The following AGBL1 variants were observed in gnomAD, a reference collection of about 807,000 sequenced individuals.
AGBL1 encodes cytosolic carboxypeptidase 4.
Under a neutral mutation model 118.9 loss-of-function variants are expected in AGBL1, and 130 were observed. That is an observed-to-expected ratio of 1.09 (90% CI 0.95 to 1.26). AGBL1 has a LOEUF of 1.26. AGBL1 is among the 50% of genes most tolerant of loss of function. The pLI is 0.00. For synonymous variants in AGBL1, 555 were observed against 478.9 expected (o/e 1.16, Z -2.08); for missense variants, 1,584 against 1,298.1 (o/e 1.22, Z -3.38).
intron 23 of AGBL1, among the ~76,000 whole-genome samples, chr15:86,943,885 C>G (rs917510738): frequency 6.6e-6 from 1 of 152,170 alleles, no homozygotes; most frequent in Non-Finnish European, 1.5e-5. Context: ...TCCTGTATCA[C>G]CAGCCCATTG....
In AGBL1 at chr15:86,643,916, T is replaced by C. The variant is rs116614874; in HGVS notation, c.2995-30357T>C. On this transcript the variant is annotated intron_variant, in intron 21 of 22. Coordinates refer to ENST00000614907, the MANE Select transcript of AGBL1 (RefSeq NM_001386094.1). ...TTTCAACTTTTAGGACCTTGTAAAG[T>C]TGTTTTTCCTATTTTTACTCTTACT... Among the ~76,000 whole-genome samples, 972 of 152,302 alleles carry C rather than the reference T, an allele frequency of 6.4e-3. 8 individuals carry two copies. Among genetic ancestry groups the C allele is most frequent in the African/African-American group, 0.022 (914 of 41,568 alleles).
chr15:86,395,786 A>ATT (rs113321476), intron 17 of AGBL1, among the ~76,000 whole-genome samples: 14 of 148,620 alleles, frequency 9.4e-5, no homozygotes, highest in Admixed American at 2.0e-4. Flanking sequence ...TTTAGGTTTT[A>ATT]TTTTTTTTTT....
rs2084679040 is a variant in AGBL1 at position 86,613,076 on chromosome 15, C to T, written c.2994+58539C>T. Among the ~76,000 whole-genome samples the T allele has an allele frequency of 6.6e-6, 1 of 152,176 alleles. No individual in the cohort carries two copies. Among genetic ancestry groups the T allele is most frequent in the Non-Finnish European group, 1.5e-5 (1 of 68,030 alleles). On this transcript the variant is annotated intron_variant, in intron 21 of 22. Transcript: ENST00000614907. The surrounding 1 kb of genome is among the most constrained non-coding windows in gnomAD (Gnocchi z 4.2). ...AAATGTATAAAGCCAAGATGTAACA[C>T]AATCACTTTGGGCACATGTTCTCAG...
At chr15:86,667,621 C>G (rs1424845755) in intron 21 of AGBL1, among the ~76,000 whole-genome samples, 1 of 151,870 alleles carries the variant, frequency 6.6e-6, no homozygotes, top group Admixed American at 6.6e-5. Flanking sequence ...CTTGGAGATC[C>G]TGTTTGATAT....
intron 22 of AGBL1, among the ~76,000 whole-genome samples, chr15:86,717,176 G>A (rs1488460805): frequency 6.6e-6 from 1 of 152,214 alleles, no homozygotes; most frequent in Non-Finnish European, 1.5e-5. Flanking sequence ...GGCAGGACAA[G>A]GAGAATTTGA....
chr15:86,963,069 C>A (rs142353292), intron 23 of AGBL1, among the ~76,000 whole-genome samples: 4 of 152,098 alleles, frequency 2.6e-5, no homozygotes, highest in African/African-American at 7.2e-5. Context: ...ATCATGTAAG[C>A]CTTGAATAGG....
rs139375622 is a variant in AGBL1, at chr15:86,356,810, A to G, written c.2375-40556A>G. On this transcript the variant is annotated intron_variant, in intron 17 of 22. Transcript: ENST00000614907. Reference sequence around the variant, plus strand: ...TTGCTCTGTAGCTCTTCTGTGGAGGATGCTGGAGAAGCAAGGCGATGCAGA... The same window carrying G: ...TTGCTCTGTAGCTCTTCTGTGGAGGGTGCTGGAGAAGCAAGGCGATGCAGA... Among the ~76,000 whole-genome samples, 1,134 of 152,284 alleles carry G rather than the reference A, an allele frequency of 7.4e-3. 5 individuals carry two copies. The highest frequency in any genetic ancestry group is 0.02 in the Middle Eastern group (6 of 294).
intron 21 of AGBL1, among the ~76,000 whole-genome samples, chr15:86,642,908 TTAAAA>T (rs1253383621): frequency 9.2e-5 from 14 of 152,198 alleles, no homozygotes; most frequent in Non-Finnish European, 1.8e-4. Context: ...ACTCATACTG[TTAAAA>T]TAAATAAATG....
chr15:87,023,881 G>A (rs2141808149), intron 24 of AGBL1, among the ~76,000 whole-genome samples: 1 of 152,100 alleles, frequency 6.6e-6, no homozygotes, highest in East Asian at 1.9e-4. Context: ...GCTTCTGAAT[G>A]ATCATTGGGT....
chr15:86,937,934 C>T (rs1272173598), intron 23 of AGBL1, among the ~76,000 whole-genome samples: 1 of 152,174 alleles, frequency 6.6e-6, no homozygotes, highest in Non-Finnish European at 1.5e-5. Context: ...AGTAGAATTG[C>T]AAGAGGTGAG....
intron 17 of AGBL1, among the ~76,000 whole-genome samples, chr15:86,393,687 A>AT (rs201429793): frequency 4.9e-4 from 75 of 151,614 alleles, no homozygotes; most frequent in Middle Eastern, 3.4e-3. Context: ...TCTTTCCAAC[A>AT]TTTTTTTTTA....
intron 23 of AGBL1, among the ~76,000 whole-genome samples, chr15:86,983,520 C>A (rs1011152185): frequency 3.3e-5 from 5 of 152,026 alleles, no homozygotes; most frequent in African/African-American, 4.8e-5. Context: ...CTATGTTAAC[C>A]CCTCTTTTGA....
intron 15 of AGBL1, among the ~76,000 whole-genome samples, chr15:86,272,327 G>A (rs1030939198): frequency 6.6e-6 from 1 of 152,082 alleles, no homozygotes; most frequent in Admixed American, 6.5e-5. Context: ...CATCTAGATT[G>A]CTTATATGTA....
At chr15:86,847,445 T>C (rs1467208899) in intron 22 of AGBL1, among the ~76,000 whole-genome samples, 1 of 152,252 alleles carries the variant, frequency 6.6e-6, no homozygotes, top group Non-Finnish European at 1.5e-5. Flanking sequence ...TGTTTTTTGG[T>C]AACTTGCTTT....
intron 22 of AGBL1, among the ~76,000 whole-genome samples, chr15:86,758,997 A>G (rs1042882410): frequency 1.3e-5 from 2 of 151,252 alleles, no homozygotes; most frequent in African/African-American, 4.9e-5. Context: ...AAAAAAAAAG[A>G]AAAGAATTTA....
At chr15:86,983,567 A>G (rs776473508) in intron 23 of AGBL1, among the ~76,000 whole-genome samples, 32 of 152,204 alleles carry the variant, frequency 2.1e-4, no homozygotes, top group Non-Finnish European at 4.0e-4. Context: ...ATGTAATTAT[A>G]TGCAATAAAT....
intron 16 of AGBL1, among the ~76,000 whole-genome samples, chr15:86,283,523 G>GAAGA (rs371905176): frequency 1.2e-4 from 18 of 151,820 alleles, no homozygotes; most frequent in African/African-American, 4.3e-4. Flanking sequence ...GAAGAAAGAA[G>GAAGA]AAGAAAGAAA....
At chr15:86,681,246 T>C (rs1182396022) in intron 22 of AGBL1, among the ~76,000 whole-genome samples, 1 of 152,176 alleles carries the variant, frequency 6.6e-6, no homozygotes, top group Non-Finnish European at 1.5e-5. Context: ...CAGCATGGAC[T>C]CTCTGCTCTT....
At chr15:86,200,322 T>C (rs2077882865) in intron 5 of AGBL1, among the ~76,000 whole-genome samples, 1 of 152,186 alleles carries the variant, frequency 6.6e-6, no homozygotes, top group Admixed American at 6.5e-5. Flanking sequence ...GAGCTTCCTT[T>C]CCTGATTTCA....
Sources: gnomAD v4.1 joint callset for allele counts (sites outside exome capture counted in the v4.1 genomes callset) on GRCh38, gnomAD v4.1.1 for gene constraint, Gnocchi (gnomAD v3.1) non-coding constraint, MANE v1.5 for transcripts, NCBI Gene and HGNC (gene_info 2026-07-23, HGNC 2026-07-21) for gene names.